TTC12: variants seen among roughly 807,000 people sequenced by gnomAD.
The protein encoded by TTC12 is tetratricopeptide repeat protein 12.
In TTC12, 70 loss-of-function variants were observed where a neutral mutation model predicts 90.1. The observed-to-expected ratio is 0.78, with a 90% confidence interval of 0.64 to 0.95. TTC12 has a LOEUF of 0.95. Among genes scored for constraint, TTC12 ranks in the 40% least tolerant of loss-of-function variants. TTC12 has a pLI of 0.00. For synonymous variants in TTC12, 296 were observed against 311.5 expected (o/e 0.95, Z 0.53); for missense variants, 819 against 846.1 (o/e 0.97, Z 0.40).
At chr11:113,316,677 C>A (rs187665465) in intron 2 of TTC12, among the ~76,000 whole-genome samples, 1 of 152,184 alleles carries the variant, frequency 6.6e-6, no homozygotes, top group Non-Finnish European at 1.5e-5. Flanking sequence ...AGATTCCTCC[C>A]GTTTTAGAGT....
chr11:113,314,709 A>C (rs1946808179), intron 1 of TTC12, 91 bp downstream of exon 1: 2 of 152,792 alleles, frequency 1.3e-5, no homozygotes, highest in Admixed American at 1.3e-4. Flanking sequence ...TTTGGGCCCC[A>C]GAGCATGGGA....
chr11:113,353,829 T>C (rs1331985405), intron 16 of TTC12, among the ~76,000 whole-genome samples: 1 of 152,206 alleles, frequency 6.6e-6, no homozygotes, highest in African/African-American at 2.4e-5. Flanking sequence ...CATGTGTCTG[T>C]TTTTATACCA....
At chr11:113,342,427 G>A (rs1454217100) in intron 12 of TTC12, among the ~76,000 whole-genome samples, 1 of 152,038 alleles carries the variant, frequency 6.6e-6, no homozygotes, top group Admixed American at 6.6e-5. Flanking sequence ...AGTTCATTAC[G>A]TTTTTGTATA....
In TTC12 at chr11:113,362,355, C is replaced by T. The variant is rs1165993036; in HGVS notation, c.1615-46C>T. 4.9e-6 allele frequency: 7 copies of T among 1,436,192 alleles called. No homozygotes were observed. The East Asian group carries it at 1.4e-4, about 28-fold the overall frequency. 89.0% of individuals were successfully genotyped at this position (1,436,192 alleles called of 1,614,324 possible). A position where few individuals can be genotyped will look rare whatever the true frequency, so the allele number is the denominator to read the frequency against. ...CCCGTTAGCTTTTAAAGGTTGTCAG[C>T]ATTTCTGAAAAGGACATTTAATTAT... On this transcript the variant is annotated intron_variant, in intron 18 of 21. Coordinates refer to ENST00000529221, the MANE Select transcript of TTC12 (RefSeq NM_017868.4).
intron 10 of TTC12, among the ~76,000 whole-genome samples, chr11:113,339,913 G>A (rs904357250): frequency 3.3e-5 from 5 of 151,962 alleles, no homozygotes; most frequent in Non-Finnish European, 7.4e-5. Flanking sequence ...CACATCCTGC[G>A]TGTACTCCAC....
At chr11:113,359,176 C>G (rs1260714725) in intron 16 of TTC12, among the ~76,000 whole-genome samples, 187 bp from the exon 17 acceptor site, 1 of 151,878 alleles carries the variant, frequency 6.6e-6, no homozygotes, top group Non-Finnish European at 1.5e-5. Flanking sequence ...ACCAGAGACT[C>G]CTTCCAAGTC....
intron 12 of TTC12, among the ~76,000 whole-genome samples, chr11:113,342,157 C>T (rs1361521533): frequency 4.6e-5 from 7 of 152,206 alleles, no homozygotes; most frequent in African/African-American, 1.4e-4. Context: ...CTCCTCTCTC[C>T]TCTCCTCCTG....
chr11:113,348,173 G>A (rs1949077731), intron 13 of TTC12, among the ~76,000 whole-genome samples: 1 of 152,170 alleles, frequency 6.6e-6, no homozygotes, highest in African/African-American at 2.4e-5. Flanking sequence ...ACATCCACAA[G>A]TATCATCGAC....
downstream of TTC12, among the ~76,000 whole-genome samples, chr11:113,370,042 A>G (rs1950340827): frequency 6.6e-6 from 1 of 152,186 alleles, no homozygotes; most frequent in South Asian, 2.1e-4. Flanking sequence ...ACATGACCCC[A>G]TGGCAGCAGG....
intron 14 of TTC12, among the ~76,000 whole-genome samples, chr11:113,350,858 G>C (rs1949244540): frequency 6.6e-6 from 1 of 152,204 alleles, no homozygotes; most frequent in Non-Finnish European, 1.5e-5. Context: ...CATGCATCCA[G>C]GCCCTCCCAG....
chr11:113,317,827 C>T (rs1947041404), intron 2 of TTC12, among the ~76,000 whole-genome samples: 1 of 152,102 alleles, frequency 6.6e-6, no homozygotes, highest in South Asian at 2.1e-4. Context: ...CTAACTTATG[C>T]ATACTCAAAG....
rs1946934904 is a variant in TTC12 at position 113,316,267 on chromosome 11, G to C, written c.10G>C (p.Asp4His). The C allele has an allele frequency of 6.8e-7, 1 of 1,469,086 alleles. No homozygotes were observed. Among genetic ancestry groups the C allele is most frequent in the African/African-American group, 1.4e-5 (1 of 70,216 alleles). 91.0% of individuals were successfully genotyped at this position (1,469,086 alleles called of 1,614,324 possible). MDA[D>H]KEKDLQKFLK... ...GGGATTCCGGTTCACAATGGATGCT[G>C]ATAAAGAGAAAGATTTGCAGAAATT... Residue 4 changes from aspartate (D) to histidine (H), a missense_variant, in exon 2 of 22, where the codon GAT becomes CAT. Asp to His is a moderately conservative substitution (Grantham distance 81, BLOSUM62 -1). Transcript: ENST00000529221.
downstream of TTC12, chr11:113,368,348 T>A: frequency 6.5e-7 from 1 of 1,547,138 alleles, no homozygotes; most frequent in Non-Finnish European, 8.7e-7. Flanking sequence ...CCCTAACACA[T>A]GCTACCATGC....
chr11:113,368,801 T>G, downstream of TTC12: 1 of 427,528 alleles, frequency 2.3e-6, no homozygotes, highest in South Asian at 4.9e-5. Context: ...GACTAAGAAG[T>G]ATTAGGTTGG....
At chr11:113,365,093 T>A in intron 21 of TTC12, 33 bp downstream of exon 21, 1 of 1,596,212 alleles carries the variant, frequency 6.3e-7, no homozygotes, top group Non-Finnish European at 8.6e-7. Flanking sequence ...GGCTGACCTA[T>A]TGCAGAAAGA....
chr11:113,356,637 G>T (rs1555152540), intron 16 of TTC12, among the ~76,000 whole-genome samples: 1 of 151,982 alleles, frequency 6.6e-6, no homozygotes, highest in Non-Finnish European at 1.5e-5. Flanking sequence ...GACAGGTCTG[G>T]TGATAATGAA....
chr11:113,355,939 T>C (rs1949608429), intron 16 of TTC12, among the ~76,000 whole-genome samples: 1 of 152,224 alleles, frequency 6.6e-6, no homozygotes, highest in Non-Finnish European at 1.5e-5. Context: ...TGGAGAAATC[T>C]GTGTATGTAC....
At chr11:113,363,507 C>T (rs1950047224) in intron 19 of TTC12, among the ~76,000 whole-genome samples, 1 of 152,206 alleles carries the variant, frequency 6.6e-6, no homozygotes, top group Non-Finnish European at 1.5e-5. Context: ...CTTTTCCTCC[C>T]TTTTTGGTAG....
chr11:113,368,222 G>A (rs868539656), downstream of TTC12: 1 of 1,503,200 alleles, frequency 6.7e-7, no homozygotes, highest in Non-Finnish European at 8.9e-7. Context: ...CAATTTGGAA[G>A]AGAGTCTGCT....
Sources: allele counts gnomAD v4.1 joint callset (sites outside exome capture counted in the v4.1 genomes callset), GRCh38; gene constraint gnomAD v4.1.1; transcripts MANE v1.5; gene names NCBI Gene and HGNC (gene_info 2026-07-23, HGNC 2026-07-21).